The following VPS13B variants were observed in gnomAD, a reference collection of about 807,000 sequenced individuals.
VPS13B encodes the protein vacuolar protein sorting 13 homolog B.
Under a neutral mutation model 426.4 loss-of-function variants are expected in VPS13B, and 285 were observed. The ratio of observed to expected loss-of-function variants is 0.67; its 90% CI spans 0.61 to 0.74. VPS13B has a LOEUF of 0.74. Ranked by LOEUF, VPS13B falls within the 30% of genes least tolerant of loss-of-function variation. The pLI is 0.00. For missense variants in VPS13B, 4,537 were observed against 4,782.6 expected (o/e 0.95, Z 1.51); for synonymous variants, 1,676 against 1,676.4 (o/e 1.00, Z 0.01).
chr8:99,138,579 G>T (rs998216571), intron 12 of VPS13B, among the ~76,000 whole-genome samples: 1 of 152,174 alleles, frequency 6.6e-6, no homozygotes, highest in African/African-American at 2.4e-5. Flanking sequence ...CTAGATTCTG[G>T]TCTTGAGTTA....
intron 57 of VPS13B, among the ~76,000 whole-genome samples, chr8:99,859,836 A>AT (rs1288309111): frequency 6.6e-6 from 1 of 152,132 alleles, no homozygotes; most frequent in African/African-American, 2.4e-5. Flanking sequence ...GCCTCATCAT[A>AT]TTTTTTTAAA....
chr8:99,211,051 C>A (rs1291312589), intron 17 of VPS13B, among the ~76,000 whole-genome samples: 2 of 152,160 alleles, frequency 1.3e-5, no homozygotes, highest in African/African-American at 2.4e-5. Context: ...AGCCAGACAT[C>A]CTCACTTCCC....
intron 17 of VPS13B, among the ~76,000 whole-genome samples, chr8:99,251,097 A>T (rs1760583334): frequency 6.6e-6 from 1 of 152,152 alleles, no homozygotes; most frequent in Admixed American, 6.5e-5. Flanking sequence ...GTTATGTTAA[A>T]TGCAGAGACG....
intron 17 of VPS13B, among the ~76,000 whole-genome samples, chr8:99,262,221 G>T (rs1433128264): frequency 6.6e-6 from 1 of 152,086 alleles, no homozygotes; most frequent in African/African-American, 2.4e-5. Flanking sequence ...GTTTCATGTT[G>T]TTTCAGTGGT....
intron 54 of VPS13B, among the ~76,000 whole-genome samples, chr8:99,835,991 T>A (rs1815373044): frequency 6.6e-6 from 1 of 152,192 alleles, no homozygotes; most frequent in Non-Finnish European, 1.5e-5. Context: ...TTGGATCTAA[T>A]CCAAGGTTGA....
chr8:99,114,145 C>CTTT (rs35036952), intron 6 of VPS13B, among the ~76,000 whole-genome samples: 309 of 146,388 alleles, frequency 2.1e-3, no homozygotes, highest in Middle Eastern at 7.0e-3. Flanking sequence ...TTGCAAATAT[C>CTTT]TTTTTTTTTT....
chr8:99,696,938 T>A (rs1487450274), intron 35 of VPS13B: 1 of 692,824 alleles, frequency 1.4e-6, no homozygotes, highest in Non-Finnish European at 2.7e-6. Flanking sequence ...GATAAGCTGA[T>A]TGCTGAGGAG....
intron 22 of VPS13B, among the ~76,000 whole-genome samples, chr8:99,441,037 C>T (rs1484970062): frequency 6.6e-6 from 1 of 152,040 alleles, no homozygotes; most frequent in Non-Finnish European, 1.5e-5. Context: ...ACTTCTATTT[C>T]AGAATAAACT....
At chr8:99,424,937 C>G (rs915277803) in intron 21 of VPS13B, among the ~76,000 whole-genome samples, 11 of 152,178 alleles carry the variant, frequency 7.2e-5, no homozygotes, top group African/African-American at 2.7e-4. Flanking sequence ...CCATAAACAC[C>G]TCTATGCAAA....
chr8:99,123,419 G>C (rs1848046770), intron 8 of VPS13B, among the ~76,000 whole-genome samples: 1 of 152,098 alleles, frequency 6.6e-6, no homozygotes, highest in Non-Finnish European at 1.5e-5. Flanking sequence ...AAGATAAGAG[G>C]GGTGATGAGG....
chr8:99,389,907 CT>C (rs752878798), intron 20 of VPS13B, among the ~76,000 whole-genome samples: 2 of 152,004 alleles, frequency 1.3e-5, no homozygotes, highest in African/African-American at 2.4e-5. Context: ...TCCACCCCCC[CT>C]CCTTATGTTT....
At chr8:99,813,926 G>A (rs1412526480) in intron 44 of VPS13B, among the ~76,000 whole-genome samples, 2 of 152,180 alleles carry the variant, frequency 1.3e-5, no homozygotes, top group African/African-American at 4.8e-5. Flanking sequence ...TTGAGCCCAG[G>A]GGTTTGAGAC....
At chr8:99,606,509 AAAAAAGAAAAAAG>A (rs1827585735) in intron 33 of VPS13B, among the ~76,000 whole-genome samples, 1 of 151,146 alleles carries the variant, frequency 6.6e-6, no homozygotes, top group African/African-American at 2.4e-5. Flanking sequence ...AAAAAAAAAA[AAAAAAGAAAAAAG>A]AAAAAGAAAA....
chr8:99,702,822 C>A (rs957145517), intron 36 of VPS13B, among the ~76,000 whole-genome samples: 1 of 152,026 alleles, frequency 6.6e-6, no homozygotes, highest in Non-Finnish European at 1.5e-5. Flanking sequence ...GTTATATAAA[C>A]AGGGTAAAAC....
chr8:99,607,581 A>G (rs1448568320), intron 33 of VPS13B, among the ~76,000 whole-genome samples: 3 of 152,320 alleles, frequency 2.0e-5, no homozygotes, highest in South Asian at 2.1e-4. Flanking sequence ...ATATAGGTCT[A>G]GTAGCAGGTC....
rs575213443 is a variant in VPS13B at position 99,159,445 on chromosome 8, A to G, written c.2208+2702A>G. The stretch of plus-strand genomic sequence containing the variant: ...TAAAATGCCATCAAACCTCAAATCA[A>G]TCATCAATGCCTGCTGTGGAGAAAT... On this transcript the variant is annotated intron_variant, in intron 15 of 61. Transcript: ENST00000357162. 2.2e-3 allele frequency among the ~76,000 whole-genome samples: 336 copies of G among 152,338 alleles called. 1 individual carries two copies. Among genetic ancestry groups the G allele is most frequent in the Admixed American group, 4.6e-3 (71 of 15,306 alleles).
chr8:99,835,424 A>C (rs1463789580), intron 53 of VPS13B, 100 bp downstream of exon 53: 1 of 1,494,312 alleles, frequency 6.7e-7, no homozygotes. Context: ...AAAAATATTT[A>C]AATAAAAGCA....
chr8:99,088,183 CAAA>C (rs1326004820), intron 3 of VPS13B, among the ~76,000 whole-genome samples: 8 of 64,822 alleles, frequency 1.2e-4, no homozygotes, highest in Admixed American at 3.6e-4. Flanking sequence ...GACCCTGTCT[CAAA>C]AAAAAAAAAA....
chr8:99,548,057 A>AT (rs1460257986), intron 30 of VPS13B, among the ~76,000 whole-genome samples: 4 of 152,078 alleles, frequency 2.6e-5, no homozygotes, highest in African/African-American at 7.2e-5. Context: ...TTTACATTGT[A>AT]TTTTTTAAGG....
Sources: gnomAD v4.1 joint callset for allele counts (sites outside exome capture counted in the v4.1 genomes callset) on GRCh38, gnomAD v4.1.1 for gene constraint, MANE v1.5 for transcripts, NCBI Gene and HGNC (gene_info 2026-07-23, HGNC 2026-07-21) for gene names.